The following ZMYND8 variants were observed in gnomAD, a reference collection of about 807,000 sequenced individuals.
The protein encoded by ZMYND8 is MYND-type zinc finger-containing chromatin reader ZMYND8.
Under a neutral mutation model 140.8 loss-of-function variants are expected in ZMYND8, and 37 were observed. That is an observed-to-expected ratio of 0.26 (90% CI 0.20 to 0.35). ZMYND8 has a LOEUF of 0.35. Among genes scored for constraint, ZMYND8 ranks in the 10% least tolerant of loss-of-function variants. The probability of loss-of-function intolerance (pLI) is 1.00; values close to 1 mark genes in which losing one functional copy is unlikely to be tolerated. For missense variants in ZMYND8, 1,068 were observed against 1,570.0 expected, an observed-to-expected ratio of 0.68 and a Z score of 5.40; for synonymous variants, 592 against 597.1, an observed-to-expected ratio of 0.99 and a Z score of 0.12.
intron 2 of ZMYND8, among the ~76,000 whole-genome samples, chr20:47,339,302 G>C (rs138435827): frequency 5.3e-5 from 8 of 152,092 alleles, no homozygotes; most frequent in Non-Finnish European, 8.8e-5. Context: ...CCTCTAAGCA[G>C]GGGGTCTTCC....
intron 19 of ZMYND8, among the ~76,000 whole-genome samples, chr20:47,222,479 T>C (rs2146948638): frequency 6.6e-6 from 1 of 151,592 alleles, no homozygotes; most frequent in East Asian, 1.9e-4. Context: ...GAGCTTGCAG[T>C]GAGCTGAGAT....
At chr20:47,249,526 C>CA (rs1405755513) in intron 12 of ZMYND8, 87 bp from the exon 13 acceptor site, 1 of 1,540,250 alleles carries the variant, frequency 6.5e-7, no homozygotes, top group Non-Finnish European at 8.8e-7. Context: ...GAGCAAAACA[C>CA]ACATTTTAGA....
At chr20:47,312,709 G>C (rs1193047967) in intron 2 of ZMYND8, among the ~76,000 whole-genome samples, 2 of 151,006 alleles carry the variant, frequency 1.3e-5, no homozygotes, top group Non-Finnish European at 2.9e-5. Flanking sequence ...ATAATCACTT[G>C]AACCCTGGAG....
Position 47,347,889 on chromosome 20 carries a change from C to A in ZMYND8, c.52G>T (p.Val18Leu). Residue 18 changes from valine to leucine, a missense_variant, in exon 2 of 23, where the codon GTA (valine) becomes TTA (leucine). This residue lies in a region of ZMYND8 where 77 missense variants were observed against 85.1 expected (regional missense o/e 0.91). Transcript: ENST00000471951. Reference sequence around the variant, plus strand: ...CGAGTAGAGATATCCATGCCCTCTACCACCTCCTGTTCTGTTTTTATTTCC... The same window carrying A: ...CGAGTAGAGATATCCATGCCCTCTAACACCTCCTGTTCTGTTTTTATTTCC... ...EEEIKTEQEV[V>L]EGMDISTRSK... 6.2e-7 allele frequency: 1 copy of A among 1,614,012 alleles called. No individual in the cohort carries two copies. Among genetic ancestry groups the A allele is most frequent in the Non-Finnish European group, 8.5e-7 (1 of 1,180,028 alleles).
At chr20:47,216,020 C>A (rs565213170) in intron 21 of ZMYND8, among the ~76,000 whole-genome samples, 1 of 152,128 alleles carries the variant, frequency 6.6e-6, no homozygotes, top group East Asian at 1.9e-4. Context: ...TGCCTTTGAA[C>A]GGCAGGAGGG....
chr20:47,259,648 CT>C (rs2075011739), intron 12 of ZMYND8, among the ~76,000 whole-genome samples: 1 of 152,162 alleles, frequency 6.6e-6, no homozygotes, highest in South Asian at 2.1e-4. Flanking sequence ...TACTCCACCC[CT>C]TGCTTCTCCT....
chr20:47,271,432 G>A (rs1569056149), intron 11 of ZMYND8, among the ~76,000 whole-genome samples: 1 of 152,150 alleles, frequency 6.6e-6, no homozygotes, highest in Non-Finnish European at 1.5e-5. Context: ...GCACCCCTTG[G>A]GTTAAGTGTT....
intron 11 of ZMYND8, among the ~76,000 whole-genome samples, chr20:47,274,639 T>G (rs1266713005): frequency 6.6e-6 from 1 of 152,194 alleles, no homozygotes; most frequent in Non-Finnish European, 1.5e-5. Flanking sequence ...ACACAAATTA[T>G]GTCAATTCCA....
At position 47,227,223 on chromosome 20, in the gene ZMYND8, G is replaced by C. The variant is rs2037835386; in HGVS notation, c.2996C>G (p.Ser999Cys). ...CTTACCTAAGTTGTGTTTCATTTCG[G>C]AGAGCTCTTGCTGGTGCAGCCACTG... ...KLQWLHQQELSEMKHNLELTM... is the reference protein window; with the variant it reads ...KLQWLHQQELCEMKHNLELTM... Residue 999 changes from serine (S) to cysteine (C), a missense_variant, in exon 18 of 23, where the codon TCC (serine) becomes TGC (cysteine). Around this residue, in one of 10 missense-constraint regions of ZMYND8, gnomAD observed 87 missense variants for 151.1 expected, o/e 0.58. Transcript: ENST00000471951. 2.5e-6 allele frequency: 4 copies of C among 1,614,064 alleles called. No homozygotes were observed. The South Asian group carries it at 4.4e-5, about 18-fold the overall frequency.
intron 12 of ZMYND8, among the ~76,000 whole-genome samples, chr20:47,255,063 G>A (rs980486739): frequency 1.3e-5 from 2 of 152,128 alleles, no homozygotes; most frequent in African/African-American, 4.8e-5. Flanking sequence ...CAAAGGTTGC[G>A]GAGAGCCAGA....
In ZMYND8 at chr20:47,246,641, T is replaced by C. The variant is rs3746486; in HGVS notation, c.1775-124A>G. On this transcript the variant is annotated intron_variant, in intron 13 of 22. Transcript: ENST00000471951. ...AAAGCACGTTTCAAATCGCATCACA[T>C]TGGCCTAAATGGGGCCAGTAATAAT... 9,430 of 1,348,444 alleles carry C rather than the reference T, an allele frequency of 7.0e-3. 557 individuals are homozygous for C. In the East Asian group the frequency reaches 0.15, roughly 22 times the overall value. The allele number at this position is 1,348,444 out of a possible 1,614,324, so 83.5% of individuals were successfully genotyped here.
intron 7 of ZMYND8, among the ~76,000 whole-genome samples, chr20:47,287,793 A>G (rs1359571016): frequency 6.6e-6 from 1 of 152,050 alleles, no homozygotes; most frequent in Non-Finnish European, 1.5e-5. Flanking sequence ...GGAGTTGAAG[A>G]CCAGCCTGGG....
chr20:47,239,238 G>C lies in ZMYND8; in HGVS notation c.2285-100C>G. 2.9e-6 allele frequency: 4 copies of C among 1,399,512 alleles called. No individual in the cohort carries two copies. The South Asian group carries it at 7.5e-5, about 26-fold the overall frequency. 86.7% of individuals were successfully genotyped at this position (1,399,512 alleles called of 1,614,324 possible). A position where few individuals can be genotyped will look rare whatever the true frequency, so the allele number is the denominator to read the frequency against. ...CAAGTTCTGGGTAAAACCTATGAAA[G>C]CCAGGAATGCCGAACCAATTCGACG... On this transcript the variant is annotated intron_variant, in intron 14 of 22. Coordinates refer to ENST00000471951, the MANE Select transcript of ZMYND8 (RefSeq NM_001281775.3).
chr20:47,317,741 C>T (rs1327578183), intron 2 of ZMYND8, among the ~76,000 whole-genome samples: 4 of 152,238 alleles, frequency 2.6e-5, no homozygotes, highest in Admixed American at 6.5e-5. Context: ...AGGTTGCAAA[C>T]GACAGAGAGG....
At chr20:47,254,784 C>A (rs2074462045) in intron 12 of ZMYND8, among the ~76,000 whole-genome samples, 1 of 152,058 alleles carries the variant, frequency 6.6e-6, no homozygotes, top group East Asian at 1.9e-4. Context: ...AGCACCCTGG[C>A]CTCTACCCCC....
intron 5 of ZMYND8, 46 bp downstream of exon 5, chr20:47,294,620 T>G: frequency 6.4e-7 from 1 of 1,559,512 alleles, no homozygotes; most frequent in Non-Finnish European, 8.8e-7. Context: ...AAAACATATG[T>G]CATTACGTTC....
At position 47,246,139 on chromosome 20, in the gene ZMYND8, G is replaced by A; in HGVS notation, c.2153C>T (p.Ser718Phe). ...GTCCAGGCCCAAATGGACTGTTGGGGAATCCGTCTCATCTTTTCCCTTCAG... is the reference window on the plus strand; with the variant it reads ...GTCCAGGCCCAAATGGACTGTTGGGAAATCCGTCTCATCTTTTCCCTTCAG... ...DKLKGKDETD[S>F]PTVHLGLDSD... Residue 718 changes from serine (S) to phenylalanine (F), a missense_variant, in exon 14 of 23, where the codon TCC becomes TTC. By Grantham distance (155) the Ser-to-Phe change is radical. This residue lies in a region of ZMYND8 where 383 missense variants were observed against 431.2 expected (regional missense o/e 0.89). Transcript: ENST00000471951. 6.2e-6 allele frequency: 10 copies of A among 1,614,172 alleles called. No homozygotes were observed. Among genetic ancestry groups the A allele is most frequent in the Non-Finnish European group, 8.5e-6 (10 of 1,180,028 alleles).
chr20:47,220,117 A>ACC, intron 21 of ZMYND8, 141 bp downstream of exon 21: 1 of 607,154 alleles, frequency 1.6e-6, no homozygotes, highest in Non-Finnish European at 2.8e-6. Flanking sequence ...ACCCCCACTG[A>ACC]CCCACCCCAG....
At chr20:47,296,792 C>CA (rs1397894882) in intron 4 of ZMYND8, among the ~76,000 whole-genome samples, 1 of 151,942 alleles carries the variant, frequency 6.6e-6, no homozygotes, top group Non-Finnish European at 1.5e-5. Context: ...CCTGTCTCTA[C>CA]AAAAAACTTA....
Sources: allele counts gnomAD v4.1 joint callset (sites outside exome capture counted in the v4.1 genomes callset), GRCh38; gene constraint gnomAD v4.1.1; regional missense constraint gnomAD v4.1.1; transcripts MANE v1.5; gene names NCBI Gene and HGNC (gene_info 2026-07-23, HGNC 2026-07-21).